ADAMTSL1: variants seen among roughly 807,000 people sequenced by gnomAD.
ADAMTSL1 encodes the protein ADAMTS like 1.
Under a neutral mutation model 201.8 loss-of-function variants are expected in ADAMTSL1, and 126 were observed. That is an observed-to-expected ratio of 0.62 (90% confidence interval 0.54 to 0.72). ADAMTSL1 has a LOEUF of 0.72. Among genes scored for constraint, ADAMTSL1 ranks in the 30% least tolerant of loss-of-function variants. ADAMTSL1 has a pLI of 0.00. For synonymous variants in ADAMTSL1, 1,121 were observed against 903.4 expected, an observed-to-expected ratio of 1.24 and a Z score of -4.32; for missense variants, 2,679 against 2,277.8, an observed-to-expected ratio of 1.18 and a Z score of -3.59.
rs1261026030 is a variant in ADAMTSL1 at position 18,716,492 on chromosome 9, C to T, written c.1877-5044C>T. On this transcript the variant is annotated intron_variant, in intron 14 of 28. Coordinates refer to ENST00000380548, the MANE Select transcript of ADAMTSL1 (RefSeq NM_001040272.6). ...GCCAAAAACCACGTGAAAAAATGCT[C>T]ACCATCACTGGCCATCAGAGAAATG... Among the ~76,000 whole-genome samples the T allele has an allele frequency of 3.9e-5, 6 of 152,026 alleles. No individual in the cohort carries two copies. The East Asian group carries it at 1.2e-3, about 29-fold the overall frequency.
intron 16 of ADAMTSL1, among the ~76,000 whole-genome samples, chr9:18,770,167 T>C (rs897404709): frequency 3.3e-5 from 5 of 152,194 alleles, no homozygotes; most frequent in African/African-American, 1.2e-4. Flanking sequence ...GAAAGGGCTG[T>C]CTTTTCTGCA....
chr9:17,983,055 C>T (rs369810900), intron 1 of ADAMTSL1, among the ~76,000 whole-genome samples: 55 of 84,680 alleles, frequency 6.5e-4, no homozygotes, highest in Admixed American at 1.5e-3. Context: ...TTTTCTTTTT[C>T]TTTTCTTTCT....
At chr9:18,473,334 C>G (rs1821293463), upstream of ADAMTSL1, among the ~76,000 whole-genome samples, 1 of 152,120 alleles carries the variant, frequency 6.6e-6, no homozygotes, top group Admixed American at 6.5e-5. Flanking sequence ...CTCCTCAACC[C>G]CAAATTTCAG....
intron 1 of ADAMTSL1, among the ~76,000 whole-genome samples, chr9:17,928,085 C>G (rs762980524): frequency 1.5e-4 from 22 of 151,508 alleles, no homozygotes; most frequent in Admixed American, 5.9e-4. Context: ...GCCTCGACTT[C>G]CTGGGCTCAG....
At chr9:18,565,607 G>A (rs989508253) in intron 3 of ADAMTSL1, among the ~76,000 whole-genome samples, 1 of 148,608 alleles carries the variant, frequency 6.7e-6, no homozygotes. Context: ...TTTTCAAAAA[G>A]GAGGGAAAAT....
At chr9:18,646,843 A>C (rs1827844750) in intron 7 of ADAMTSL1, among the ~76,000 whole-genome samples, 1 of 152,022 alleles carries the variant, frequency 6.6e-6, no homozygotes, top group African/African-American at 2.4e-5. Context: ...TATTGGTCTA[A>C]AATTCTCTTT....
intron 2 of ADAMTSL1, among the ~76,000 whole-genome samples, chr9:18,341,805 T>C (rs1263085701): frequency 6.6e-6 from 1 of 152,142 alleles, no homozygotes; most frequent in Admixed American, 6.6e-5. Context: ...CCATTGCTTA[T>C]GTAGACATAA....
chr9:18,411,608 T>C (rs561757872), intron 2 of ADAMTSL1, among the ~76,000 whole-genome samples: 79 of 152,324 alleles, frequency 5.2e-4, no homozygotes, highest in African/African-American at 1.9e-3. Context: ...TCGTTATATA[T>C]ACAATAAAAG....
At chr9:18,748,959 C>T (rs1412669) in intron 15 of ADAMTSL1, among the ~76,000 whole-genome samples, 86,283 of 152,014 alleles carry the variant, frequency 0.57, 24,746 homozygotes, top group African/African-American at 0.63. Flanking sequence ...TGGTGGCTCC[C>T]GGCACTCTTC....
chr9:18,683,637 A>T (rs943570471), intron 12 of ADAMTSL1, among the ~76,000 whole-genome samples: 3 of 152,196 alleles, frequency 2.0e-5, no homozygotes, highest in Non-Finnish European at 4.4e-5. Flanking sequence ...TGGCAGTTTT[A>T]TATTTCTCAC....
At chr9:18,833,772 G>A (rs921466328) in intron 23 of ADAMTSL1, among the ~76,000 whole-genome samples, 2 of 152,150 alleles carry the variant, frequency 1.3e-5, no homozygotes, top group Non-Finnish European at 2.9e-5. Flanking sequence ...CCATGCCTAT[G>A]TTCTGAATGG....
At chr9:18,381,077 G>T (rs1837537201) in intron 2 of ADAMTSL1, among the ~76,000 whole-genome samples, 1 of 152,196 alleles carries the variant, frequency 6.6e-6, no homozygotes. Context: ...TATTCTGGCT[G>T]AAATCATGAA....
intron 2 of ADAMTSL1, among the ~76,000 whole-genome samples, chr9:18,258,202 C>T (rs1587412529): frequency 6.6e-6 from 1 of 152,074 alleles, no homozygotes; most frequent in Admixed American, 6.6e-5. Flanking sequence ...GGCAAAATGG[C>T]AAATTTTATG....
chr9:18,213,643 C>T (rs982709918), intron 2 of ADAMTSL1, among the ~76,000 whole-genome samples: 4 of 152,156 alleles, frequency 2.6e-5, no homozygotes, highest in African/African-American at 9.7e-5. Flanking sequence ...TGATATATCT[C>T]TATAGGGAAT....
chr9:18,289,326 G>T (rs895114127), intron 2 of ADAMTSL1, among the ~76,000 whole-genome samples: 1 of 152,138 alleles, frequency 6.6e-6, no homozygotes, highest in Non-Finnish European at 1.5e-5. Flanking sequence ...GTCTGAGTTT[G>T]GAGGGCTAAG....
chr9:18,430,824 C>T (rs1416881374), intron 2 of ADAMTSL1, among the ~76,000 whole-genome samples: 2 of 152,098 alleles, frequency 1.3e-5, no homozygotes, highest in African/African-American at 4.8e-5. Flanking sequence ...AAGTTGAGGC[C>T]CCTTGTACCA....
At chr9:18,292,765 A>T (rs1833324867) in intron 2 of ADAMTSL1, among the ~76,000 whole-genome samples, 1 of 152,154 alleles carries the variant, frequency 6.6e-6, no homozygotes, top group African/African-American at 2.4e-5. Flanking sequence ...TTGGCCACAG[A>T]TTGAAGGCTG....
At chr9:18,479,337 T>C (rs1382957317) in intron 1 of ADAMTSL1, among the ~76,000 whole-genome samples, 1 of 152,236 alleles carries the variant, frequency 6.6e-6, no homozygotes, top group Non-Finnish European at 1.5e-5. Context: ...GTTTATTGTC[T>C]TTCCCAAGAA....
intron 4 of ADAMTSL1, among the ~76,000 whole-genome samples, chr9:18,580,862 A>G (rs898362122): frequency 6.6e-6 from 1 of 152,192 alleles, no homozygotes; most frequent in Non-Finnish European, 1.5e-5. Context: ...AAAGTGTACT[A>G]TAGTCACTAT....
Sources: gnomAD v4.1 joint callset for allele counts (sites outside exome capture counted in the v4.1 genomes callset) on GRCh38, gnomAD v4.1.1 for gene constraint, MANE v1.5 for transcripts, NCBI Gene and HGNC (gene_info 2026-07-23, HGNC 2026-07-21) for gene names.